The following LRRIQ3 variants were observed in gnomAD, a reference collection of about 807,000 sequenced individuals.
LRRIQ3 encodes the protein leucine rich repeats and IQ motif containing 3.
LRRIQ3 carries 75 observed loss-of-function variants against 59.3 expected under a neutral mutation model. The ratio of observed to expected loss-of-function variants is 1.26; its 90% CI spans 1.05 to 1.53. LRRIQ3 has a LOEUF of 1.53. LRRIQ3 is among the 40% of genes most tolerant of loss of function. The probability of loss-of-function intolerance (pLI) is 0.00; values close to 1 mark genes in which losing one functional copy is unlikely to be tolerated. For missense variants in LRRIQ3, 831 were observed against 710.0 expected, an observed-to-expected ratio of 1.17 and a Z score of -1.94; for synonymous variants, 250 against 231.3, an observed-to-expected ratio of 1.08 and a Z score of -0.73.
Position 74,026,846 on chromosome 1 carries a change from T to C in LRRIQ3, c.1842A>G (p.Leu614=), listed in dbSNP as rs1367206947. The C allele has an allele frequency of 6.2e-7, 1 of 1,608,306 alleles. No individual in the cohort carries two copies. The highest frequency in any genetic ancestry group is 2.2e-5 in the East Asian group (1 of 44,634). The part of the protein sequence containing the change: ...KTKVAIVKTN[L]DFKVPNGLIK ...TCAGTCCATTGGGAACTTTAAAGTC[T>C]AAATTTGTTTTCACAATTGCTACTT... The change falls in exon 8 of 8, where the codon TTA becomes TTG. Residue 614 remains leucine, a synonymous_variant. Coordinates refer to ENST00000354431, the MANE Select transcript of LRRIQ3 (RefSeq NM_001105659.2).
chr1:74,172,677 A>G (rs1394687479), intron 3 of LRRIQ3, among the ~76,000 whole-genome samples: 1 of 152,082 alleles, frequency 6.6e-6, no homozygotes, highest in Non-Finnish European at 1.5e-5. Context: ...GGGGTATTGA[A>G]GTTTTGTATT....
intron 4 of LRRIQ3, among the ~76,000 whole-genome samples, chr1:74,148,153 T>C (rs1457618075): frequency 6.6e-6 from 1 of 152,226 alleles, no homozygotes; most frequent in African/African-American, 2.4e-5. Context: ...TGTCCTTACA[T>C]TGACATCTGT....
rs953563524 is a variant in LRRIQ3, at chr1:74,127,965, A to G, written c.708-18412T>C. 2.0e-5 allele frequency among the ~76,000 whole-genome samples: 3 copies of G among 151,918 alleles called. No homozygotes were observed. The East Asian group carries it at 5.8e-4, about 29-fold the overall frequency. On this transcript the variant is annotated intron_variant, in intron 4 of 7. Coordinates refer to ENST00000354431, the MANE Select transcript of LRRIQ3 (RefSeq NM_001105659.2). ...ATGGAAAATTATATCTTCTTCCTAT[A>G]TGAAGGATATTTTTACTGGACATAC...
intron 3 of LRRIQ3, among the ~76,000 whole-genome samples, chr1:74,158,593 C>A (rs1406687273): frequency 6.6e-6 from 1 of 152,042 alleles, no homozygotes; most frequent in East Asian, 1.9e-4. Flanking sequence ...ACAATATTAT[C>A]CTGTGTCGTG....
At chr1:74,187,203 T>C (rs1294156693) in intron 1 of LRRIQ3, among the ~76,000 whole-genome samples, 1 of 151,914 alleles carries the variant, frequency 6.6e-6, no homozygotes, top group African/African-American at 2.4e-5. Flanking sequence ...AAATAATTCA[T>C]TATATAAAAA....
chr1:74,033,660 G>C (rs1463906688), intron 7 of LRRIQ3, among the ~76,000 whole-genome samples: 1 of 151,854 alleles, frequency 6.6e-6, no homozygotes, highest in Non-Finnish European at 1.5e-5. Flanking sequence ...TAATTGGGAG[G>C]GCTGTTCTTA....
In LRRIQ3 at chr1:74,117,676, G is replaced by A. The variant is rs1018751499; in HGVS notation, c.708-8123C>T. 2.6e-5 allele frequency among the ~76,000 whole-genome samples: 4 copies of A among 152,108 alleles called. No homozygotes were observed. The East Asian group carries it at 5.8e-4, about 22-fold the overall frequency. On this transcript the variant is annotated intron_variant, in intron 4 of 7. Transcript: ENST00000354431. ...AGCTACTCAGGAGGCTGAGGCAGGA[G>A]AATCACTTAAACTCAGGAGGCAGAA... is the stretch of plus-strand genomic sequence containing the variant.
At chr1:74,044,300 T>A (rs1224605970) in intron 6 of LRRIQ3, among the ~76,000 whole-genome samples, 1 of 152,090 alleles carries the variant, frequency 6.6e-6, no homozygotes, top group Non-Finnish European at 1.5e-5. Context: ...TTGGGCCTAG[T>A]GAGAGGTGTT....
chr1:74,119,334 A>G (rs532372331), intron 4 of LRRIQ3, among the ~76,000 whole-genome samples: 2 of 151,952 alleles, frequency 1.3e-5, no homozygotes, highest in African/African-American at 2.4e-5. Flanking sequence ...TTGGTAGTTT[A>G]TATTTCTTCT....
intron 6 of LRRIQ3, among the ~76,000 whole-genome samples, chr1:74,063,924 T>C (rs1035710640): frequency 9.2e-5 from 14 of 151,898 alleles, no homozygotes; most frequent in Admixed American, 9.2e-4. Flanking sequence ...TGTGGCACCA[T>C]TTTAATTATT....
intron 6 of LRRIQ3, among the ~76,000 whole-genome samples, chr1:74,045,322 A>T (rs1467152986): frequency 6.6e-5 from 10 of 152,190 alleles, no homozygotes; most frequent in Non-Finnish European, 1.2e-4. Context: ...CAAATCAATA[A>T]ACATAATCTA....
rs960118313 is a variant in LRRIQ3 at position 74,077,913 on chromosome 1, C to T, written c.868-3123G>A. 1.1e-4 allele frequency among the ~76,000 whole-genome samples: 17 copies of T among 151,866 alleles called. 1 individual carries two copies. Among genetic ancestry groups the T allele is most frequent in the East Asian group, 7.7e-4 (4 of 5,188 alleles). On this transcript the variant is annotated intron_variant, in intron 5 of 7. Transcript: ENST00000354431. ...CAGAAGACTGGGAATGATCTAATAACGATCTTACTTTCAATAACAGAAAGT... is the reference window on the plus strand; with the variant it reads ...CAGAAGACTGGGAATGATCTAATAATGATCTTACTTTCAATAACAGAAAGT...
chr1:74,161,201 C>T (rs765888656), intron 3 of LRRIQ3, among the ~76,000 whole-genome samples: 5 of 151,866 alleles, frequency 3.3e-5, no homozygotes, highest in Non-Finnish European at 7.4e-5. Context: ...TTACAAAGAA[C>T]ACGAATCCTA....
intron 4 of LRRIQ3, among the ~76,000 whole-genome samples, chr1:74,143,946 G>A (rs1647391705): frequency 6.6e-6 from 1 of 151,848 alleles, no homozygotes; most frequent in Non-Finnish European, 1.5e-5. Context: ...ATTCATATAA[G>A]TTGTGATAAT....
chr1:74,091,110 T>C (rs1646390098), intron 5 of LRRIQ3, among the ~76,000 whole-genome samples: 1 of 151,896 alleles, frequency 6.6e-6, no homozygotes, highest in South Asian at 2.1e-4. Context: ...GAATCAAAAA[T>C]CAAATCCCAT....
Position 74,185,482 on chromosome 1 carries a change from T to G in LRRIQ3, c.1-1798A>C, listed in dbSNP as rs186475912. Among the ~76,000 whole-genome samples the G allele has an allele frequency of 4.9e-3, 739 of 152,328 alleles. 6 individuals carry two copies. Among genetic ancestry groups the G allele is most frequent in the Non-Finnish European group, 6.7e-3 (458 of 68,024 alleles). The stretch of plus-strand genomic sequence containing the variant: ...ATCTGTTCAGATCTTTTGTCCATTA[T>G]ATTTTGATTGTGGTATTGTGTTATT... On this transcript the variant is annotated intron_variant, in intron 1 of 7. Coordinates refer to ENST00000354431, the MANE Select transcript of LRRIQ3 (RefSeq NM_001105659.2).
In LRRIQ3 at chr1:74,055,377, G is replaced by T. The variant is rs1570038858; in HGVS notation, c.998-13444C>A. On this transcript the variant is annotated intron_variant, in intron 6 of 7. Coordinates refer to ENST00000354431, the MANE Select transcript of LRRIQ3 (RefSeq NM_001105659.2). ...TTGTTCCCCCCTCTCTTCTGCCCCTGACAACTACAAACCTATTTTATATCT... is the reference window on the plus strand; with the variant it reads ...TTGTTCCCCCCTCTCTTCTGCCCCTTACAACTACAAACCTATTTTATATCT... Among the ~76,000 whole-genome samples, 6 of 151,956 alleles carry T rather than the reference G, an allele frequency of 3.9e-5. 1 individual carries two copies. The highest frequency in any genetic ancestry group is 3.9e-4 in the Admixed American group (6 of 15,254).
intron 5 of LRRIQ3, chr1:74,084,274 G>C (rs949347381): frequency 1.6e-5 from 24 of 1,480,026 alleles, no homozygotes; most frequent in African/African-American, 2.8e-5. Context: ...AAACTCTTGA[G>C]GTGTACCATT....
At chr1:74,060,075 T>G (rs1249519280) in intron 6 of LRRIQ3, among the ~76,000 whole-genome samples, 1 of 152,130 alleles carries the variant, frequency 6.6e-6, no homozygotes, top group Middle Eastern at 3.2e-3. Context: ...TTCATTGTAT[T>G]CCTTTATCAT....
Sources: gnomAD v4.1 joint callset for allele counts (sites outside exome capture counted in the v4.1 genomes callset) on GRCh38, gnomAD v4.1.1 for gene constraint, MANE v1.5 for transcripts, NCBI Gene and HGNC (gene_info 2026-07-23, HGNC 2026-07-21) for gene names.